UBTD2: variants seen among roughly 807,000 people sequenced by gnomAD.
UBTD2 encodes the protein ubiquitin domain-containing protein 2.
UBTD2 carries 9 observed loss-of-function variants against 19.8 expected under a neutral mutation model. That is an observed-to-expected ratio of 0.46 (90% CI 0.27 to 0.79). The LOEUF (loss-of-function observed/expected upper bound fraction) is 0.79. UBTD2 is among the 30% of genes least tolerant of loss of function. The probability of loss-of-function intolerance (pLI) is 0.14; values close to 1 mark genes in which losing one functional copy is unlikely to be tolerated. For synonymous variants in UBTD2, 98 were observed against 103.9 expected (o/e 0.94, Z 0.35); for missense variants, 250 against 300.4 (o/e 0.83, Z 1.24).
chr5:172,245,740 C>T (rs1445223985), intron 1 of UBTD2, among the ~76,000 whole-genome samples: 2 of 151,424 alleles, frequency 1.3e-5, no homozygotes, highest in African/African-American at 4.9e-5. Context: ...GAAATGAATT[C>T]TGATATAAAC....
intron 2 of UBTD2, among the ~76,000 whole-genome samples, chr5:172,214,013 T>C (rs901285961): frequency 5.9e-5 from 9 of 152,220 alleles, no homozygotes; most frequent in African/African-American, 2.2e-4. Context: ...CTTGAACTCC[T>C]GACCTAGGTG....
At chr5:172,241,707 GT>G (rs920928143) in intron 1 of UBTD2, among the ~76,000 whole-genome samples, 1 of 151,980 alleles carries the variant, frequency 6.6e-6, no homozygotes, top group Non-Finnish European at 1.5e-5. Context: ...GTAAATAAAA[GT>G]TTTTTTAAAA....
chr5:172,238,770 T>A (rs533327518), intron 1 of UBTD2, among the ~76,000 whole-genome samples: 1 of 152,320 alleles, frequency 6.6e-6, no homozygotes, highest in South Asian at 2.1e-4. Flanking sequence ...CTGTTTTGGG[T>A]TCCTCTTTGA....
chr5:172,262,446 CAAA>C (rs1191776236), intron 1 of UBTD2, among the ~76,000 whole-genome samples: 2 of 48,894 alleles, frequency 4.1e-5, no homozygotes, highest in African/African-American at 1.6e-4. Flanking sequence ...ACAGATCCAC[CAAA>C]AAAAAAAAAA....
At chr5:172,270,924 A>G (rs115845428) in intron 1 of UBTD2, among the ~76,000 whole-genome samples, 1 of 152,166 alleles carries the variant, frequency 6.6e-6, no homozygotes, top group Non-Finnish European at 1.5e-5. Context: ...TATCACCTAT[A>G]ATATAGTCTC....
intron 2 of UBTD2, among the ~76,000 whole-genome samples, chr5:172,224,394 C>T (rs1771720015): frequency 6.6e-6 from 1 of 150,662 alleles, no homozygotes; most frequent in Non-Finnish European, 1.5e-5. Context: ...CCACCTCCCA[C>T]GTTCAAGCAA....
Position 172,218,814 on chromosome 5 carries a change from A to T in UBTD2, c.308-6587T>A, listed in dbSNP as rs1202444051. On this transcript the variant is annotated intron_variant, in intron 2 of 2. Transcript: ENST00000393792. ...ATAAAAAAATAAAAAAAAAAATAAA[A>T]AATAAAAATAAAAAAAATTCAACAA... Among the ~76,000 whole-genome samples, 3 of 71,200 alleles carry T rather than the reference A, an allele frequency of 4.2e-5. 1 individual carries two copies. The highest frequency in any genetic ancestry group is 1.2e-3 in the South Asian group (2 of 1,676). The allele number at this position is 71,200 out of a possible 152,430, so 46.7% of individuals were successfully genotyped here. A position where few individuals can be genotyped will look rare whatever the true frequency, so the allele number is the denominator to read the frequency against.
chr5:172,254,876 C>G, intron 1 of UBTD2: 1 of 506,448 alleles, frequency 2.0e-6, no homozygotes, highest in Admixed American at 2.9e-5. Flanking sequence ...TTGCATGCTA[C>G]TACTGGAATT....
intron 1 of UBTD2, among the ~76,000 whole-genome samples, chr5:172,242,082 T>C (rs1172810850): frequency 2.0e-5 from 3 of 152,194 alleles, no homozygotes; most frequent in Non-Finnish European, 2.9e-5. Flanking sequence ...CTCCCCTTTT[T>C]TTCTCTTGCT....
At chr5:172,252,180 G>T (rs560436218) in intron 1 of UBTD2, among the ~76,000 whole-genome samples, 1 of 152,290 alleles carries the variant, frequency 6.6e-6, no homozygotes, top group South Asian at 2.1e-4. Flanking sequence ...AGAGTTACTT[G>T]AATAAATGTT....
At chr5:172,220,780 A>C (rs1265847777) in intron 2 of UBTD2, among the ~76,000 whole-genome samples, 1 of 152,244 alleles carries the variant, frequency 6.6e-6, no homozygotes, top group African/African-American at 2.4e-5. Flanking sequence ...ATGCAATAAA[A>C]CAAGGCAAGA....
chr5:172,264,676 A>G (rs1258739542), intron 1 of UBTD2, among the ~76,000 whole-genome samples: 2 of 152,090 alleles, frequency 1.3e-5, no homozygotes, highest in Non-Finnish European at 2.9e-5. Flanking sequence ...GAGTTAAGAG[A>G]CCAAACTGGG....
chr5:172,231,207 A>G (rs547020016), intron 2 of UBTD2, among the ~76,000 whole-genome samples: 2 of 152,374 alleles, frequency 1.3e-5, no homozygotes, highest in South Asian at 4.1e-4. Context: ...GTTAGAGTAC[A>G]TGACAAAACA....
In UBTD2 at chr5:172,234,162, T is replaced by G. The variant is rs2291512; in HGVS notation, c.267A>C (p.Ala89=). ...HAFESNDHEL[A]QAIIDGANIT... The stretch of plus-strand genomic sequence containing the variant: ...TGTTTGCACCATCAATGATTGCTTG[T>G]GCCAGTTCATGATCATTGCTCTCAA... Residue 89 remains alanine, a synonymous_variant, in exon 2 of 3, where the codon GCA becomes GCC. Coordinates refer to ENST00000393792, the MANE Select transcript of UBTD2 (RefSeq NM_152277.3). 2 of 1,614,182 alleles carry G rather than the reference T, an allele frequency of 1.2e-6. No individual in the cohort carries two copies. Among genetic ancestry groups the G allele is most frequent in the Admixed American group, 3.3e-5 (2 of 60,018 alleles).
At chr5:172,256,455 C>G (rs1156481024) in intron 1 of UBTD2, among the ~76,000 whole-genome samples, 11 of 151,084 alleles carry the variant, frequency 7.3e-5, no homozygotes, top group Non-Finnish European at 1.5e-5. Context: ...CATCAGGGCT[C>G]ACTGCAGTCT....
At chr5:172,230,356 G>C (rs74291579) in intron 2 of UBTD2, among the ~76,000 whole-genome samples, 14 of 134,588 alleles carry the variant, frequency 1.0e-4, no homozygotes, top group Non-Finnish European at 1.6e-5. Context: ...TTTAGAAAAT[G>C]ATCAAAATCT....
chr5:172,217,872 A>G (rs904206867), intron 2 of UBTD2, among the ~76,000 whole-genome samples: 7 of 152,222 alleles, frequency 4.6e-5, no homozygotes, highest in African/African-American at 1.7e-4. Flanking sequence ...AAGGAGAAAG[A>G]GATGAATCCA....
At chr5:172,239,807 G>A (rs1772091026) in intron 1 of UBTD2, among the ~76,000 whole-genome samples, 1 of 151,932 alleles carries the variant, frequency 6.6e-6, no homozygotes. Context: ...GGCAGGCTGA[G>A]GCAGGAGAAT....
At chr5:172,218,635 AT>A (rs1160554551) in intron 2 of UBTD2, among the ~76,000 whole-genome samples, 1 of 151,810 alleles carries the variant, frequency 6.6e-6, no homozygotes, top group African/African-American at 2.4e-5. Context: ...AAATGCAAAA[AT>A]TAGCAGGGTG....
Sources: gnomAD v4.1 joint callset for allele counts (sites outside exome capture counted in the v4.1 genomes callset) on GRCh38, gnomAD v4.1.1 for gene constraint, MANE v1.5 for transcripts, NCBI Gene and HGNC (gene_info 2026-07-23, HGNC 2026-07-21) for gene names.